NCEH1: variants seen among roughly 807,000 people sequenced by gnomAD.
NCEH1 encodes the protein neutral cholesterol ester hydrolase 1.
NCEH1 carries 9 observed loss-of-function variants against 25.4 expected under a neutral mutation model. The ratio of observed to expected loss-of-function variants is 0.35; its 90% CI spans 0.21 to 0.62. The LOEUF (loss-of-function observed/expected upper bound fraction) is 0.62, where lower values mean the gene tolerates loss of function less well. Ranked by LOEUF, NCEH1 falls within the 20% of genes least tolerant of loss-of-function variation. The pLI, the probability that NCEH1 is intolerant of heterozygous loss-of-function variation, is 0.72. For synonymous variants in NCEH1, 200 were observed against 199.8 expected, an observed-to-expected ratio of 1.00 and a Z score of -0.01; for missense variants, 412 against 501.1, an observed-to-expected ratio of 0.82 and a Z score of 1.70.
At chr3:172,645,043 T>C (rs1717052955) in intron 3 of NCEH1, among the ~76,000 whole-genome samples, 1 of 152,192 alleles carries the variant, frequency 6.6e-6, no homozygotes, top group South Asian at 2.1e-4. Flanking sequence ...ACAAAAAAGA[T>C]GGCGTGATTT....
intron 1 of NCEH1, among the ~76,000 whole-genome samples, chr3:172,685,460 A>C (rs528779885): frequency 6.6e-6 from 1 of 152,288 alleles, no homozygotes; most frequent in Admixed American, 6.5e-5. Context: ...ATAATTTTAA[A>C]ACCCAAAGGG....
In NCEH1 at chr3:172,634,094, T is replaced by C. The variant is rs1716499543; in HGVS notation, c.610-2A>G. ...TTTTAGGCTGGCATCTTGAGTAAACTAGAGAAGAGGAAGCAAATACATTAT... is the reference window on the plus strand; with the variant it reads ...TTTTAGGCTGGCATCTTGAGTAAACCAGAGAAGAGGAAGCAAATACATTAT... On this transcript the variant is annotated splice_acceptor_variant, in intron 4 of 4. Coordinates refer to ENST00000475381, the MANE Select transcript of NCEH1 (RefSeq NM_020792.6). LOFTEE classifies it high-confidence loss of function. The C allele has an allele frequency of 1.2e-6, 2 of 1,610,110 alleles. No individual in the cohort carries two copies. The highest frequency in any genetic ancestry group is 1.7e-5 in the Admixed American group (1 of 59,356).
At chr3:172,647,435 A>C (rs763126361) in intron 2 of NCEH1, among the ~76,000 whole-genome samples, 1 of 152,248 alleles carries the variant, frequency 6.6e-6, no homozygotes, top group Non-Finnish European at 1.5e-5. Context: ...TAACATGTGT[A>C]TTAAGGAATA....
intron 1 of NCEH1, among the ~76,000 whole-genome samples, chr3:172,676,364 A>G (rs1340385526): frequency 6.6e-6 from 1 of 152,094 alleles, no homozygotes; most frequent in African/African-American, 2.4e-5. Flanking sequence ...TCTTGTCACC[A>G]TGTGTGCCAA....
At chr3:172,707,917 C>A (rs1714098138) in intron 1 of NCEH1, among the ~76,000 whole-genome samples, 2 of 152,242 alleles carry the variant, frequency 1.3e-5, no homozygotes, top group South Asian at 4.1e-4. Flanking sequence ...TAAGAACGTT[C>A]ATCTCCCAGA....
At chr3:172,690,138 C>T (rs1405948984) in intron 1 of NCEH1, among the ~76,000 whole-genome samples, 3 of 151,950 alleles carry the variant, frequency 2.0e-5, no homozygotes, top group East Asian at 1.9e-4. Context: ...CTCCTCACCT[C>T]GTGATCCACC....
chr3:172,678,314 A>G (rs1247579530), intron 1 of NCEH1, among the ~76,000 whole-genome samples: 1 of 152,228 alleles, frequency 6.6e-6, no homozygotes, highest in African/African-American at 2.4e-5. Flanking sequence ...AATGCAGCTC[A>G]GTCCCTCCTT....
chr3:172,680,810 A>G (rs573665054), intron 1 of NCEH1: 1 of 152,374 alleles, frequency 6.6e-6, no homozygotes, highest in African/African-American at 2.4e-5. Flanking sequence ...GACTGACAGC[A>G]CAGCAGAGTG....
chr3:172,695,951 T>A (rs943379065), intron 1 of NCEH1, among the ~76,000 whole-genome samples: 3 of 150,816 alleles, frequency 2.0e-5, no homozygotes, highest in African/African-American at 4.9e-5. Flanking sequence ...CTCAAAAAAA[T>A]AAATAAATAA....
intron 1 of NCEH1, among the ~76,000 whole-genome samples, chr3:172,673,812 C>A (rs1323338947): frequency 2.6e-5 from 4 of 152,184 alleles, no homozygotes; most frequent in African/African-American, 7.2e-5. Context: ...TATTCCTCTG[C>A]AGAAACAGAA....
At chr3:172,697,921 A>G (rs1029107936) in intron 1 of NCEH1, among the ~76,000 whole-genome samples, 3 of 151,798 alleles carry the variant, frequency 2.0e-5, no homozygotes, top group Admixed American at 6.6e-5. Context: ...TTATGCAGAT[A>G]TCTGCCAGCA....
chr3:172,648,742 A>G, intron 1 of NCEH1, among the ~76,000 whole-genome samples: 1 of 152,186 alleles, frequency 6.6e-6, no homozygotes. Flanking sequence ...ATATAACCAG[A>G]AGCTTTTTAG....
intron 1 of NCEH1, among the ~76,000 whole-genome samples, chr3:172,687,550 T>C (rs962003730): frequency 6.6e-6 from 1 of 152,238 alleles, no homozygotes; most frequent in Non-Finnish European, 1.5e-5. Flanking sequence ...CATAAACTCA[T>C]GTCTTCAAGG....
chr3:172,653,752 G>GTTGCT (rs1717543373), intron 1 of NCEH1, among the ~76,000 whole-genome samples: 2 of 83,840 alleles, frequency 2.4e-5, no homozygotes, highest in Admixed American at 1.1e-4. Context: ...TTGTTTTTTT[G>GTTGCT]TTTTTTTGTT....
intron 1 of NCEH1, among the ~76,000 whole-genome samples, chr3:172,704,186 G>C (rs938141313): frequency 7.2e-5 from 11 of 152,182 alleles, no homozygotes; most frequent in African/African-American, 2.7e-4. Flanking sequence ...ATCATGCACA[G>C]AGAATTCAGG....
intron 1 of NCEH1, among the ~76,000 whole-genome samples, chr3:172,675,584 A>T (rs1437634941): frequency 3.9e-5 from 6 of 152,214 alleles, no homozygotes; most frequent in African/African-American, 1.4e-4. Context: ...TTTAATCATT[A>T]AAGGAAAGGA....
chr3:172,699,028 G>C (rs1296775162), intron 1 of NCEH1, among the ~76,000 whole-genome samples: 3 of 152,172 alleles, frequency 2.0e-5, no homozygotes, highest in Non-Finnish European at 4.4e-5. Flanking sequence ...TGATTTGGTG[G>C]GGAGCCTGTA....
At chr3:172,657,178 A>T (rs1717735568) in intron 1 of NCEH1, among the ~76,000 whole-genome samples, 1 of 152,168 alleles carries the variant, frequency 6.6e-6, no homozygotes, top group African/African-American at 2.4e-5. Flanking sequence ...ATCATGGCAA[A>T]TAGGAAGTAT....
intron 1 of NCEH1, among the ~76,000 whole-genome samples, chr3:172,664,384 C>T (rs11923193): frequency 0.054 from 8,226 of 152,182 alleles, 756 homozygotes; most frequent in African/African-American, 0.19. Context: ...TCTCTGGCTG[C>T]GCTTGACATT....
Sources: gnomAD v4.1 joint callset for allele counts (sites outside exome capture counted in the v4.1 genomes callset) on GRCh38, gnomAD v4.1.1 for gene constraint, MANE v1.5 for transcripts, NCBI Gene and HGNC (gene_info 2026-07-23, HGNC 2026-07-21) for gene names.